The following NRG1 variants were observed in gnomAD, a reference collection of about 807,000 sequenced individuals.
The protein encoded by NRG1 is pro-neuregulin-1, membrane-bound isoform.
A neutral mutation model predicts 63.8 loss-of-function variants in NRG1; 18 were observed. The ratio of observed to expected loss-of-function variants is 0.28; its 90% CI spans 0.19 to 0.42. The LOEUF is 0.42. Among genes scored for constraint, NRG1 ranks in the 10% least tolerant of loss-of-function variants. The pLI, the probability that NRG1 is intolerant of heterozygous loss-of-function variation, is 1.00. For missense variants in NRG1, 762 were observed against 814.7 expected, an observed-to-expected ratio of 0.94 and a Z score of 0.79; for synonymous variants, 302 against 301.3, an observed-to-expected ratio of 1.00 and a Z score of -0.02.
intron 1 of NRG1, among the ~76,000 whole-genome samples, chr8:32,116,831 G>A (rs1051934189): frequency 2.6e-5 from 4 of 151,772 alleles, no homozygotes; most frequent in African/African-American, 7.3e-5. Context: ...TTTAAGTTTT[G>A]GTCATTTTAT....
intron 1 of NRG1, among the ~76,000 whole-genome samples, chr8:31,831,614 T>C (rs974084106): frequency 6.6e-6 from 1 of 152,224 alleles, no homozygotes; most frequent in Non-Finnish European, 1.5e-5. Context: ...CATCTGGAAC[T>C]AGTGACAGGG....
chr8:32,565,019 A>G (rs1056337647), intron 1 of NRG1, among the ~76,000 whole-genome samples: 2 of 152,136 alleles, frequency 1.3e-5, no homozygotes, highest in East Asian at 1.9e-4. Flanking sequence ...ACAGTGAACC[A>G]TGATCATATC....
chr8:31,837,170 C>A (rs2129607145), intron 1 of NRG1, among the ~76,000 whole-genome samples: 1 of 151,996 alleles, frequency 6.6e-6, no homozygotes, highest in South Asian at 2.1e-4. Flanking sequence ...ATATGGTAAA[C>A]AAAATGCAAA....
chr8:32,727,994 C>T, exon 6 of NRG1: 2 of 1,614,014 alleles, frequency 1.2e-6, no homozygotes, highest in Non-Finnish European at 1.7e-6. Flanking sequence ...GTAAAATGTG[C>T]GGAGAAGGAG....
At chr8:32,412,607 A>G (rs1750770935) in intron 1 of NRG1, among the ~76,000 whole-genome samples, 2 of 151,640 alleles carry the variant, frequency 1.3e-5, no homozygotes, top group Admixed American at 1.3e-4. Flanking sequence ...ATATCATAGA[A>G]TATTCTTACA....
intron 7 of NRG1, among the ~76,000 whole-genome samples, chr8:32,748,339 G>GCGCGCGCA (rs1207515428): frequency 3.9e-5 from 5 of 128,356 alleles, no homozygotes; most frequent in Non-Finnish European, 8.2e-5. Context: ...GCGCGCGCGC[G>GCGCGCGCA]CACACACACA....
At chr8:31,993,739 C>T (rs1029708167) in intron 1 of NRG1, among the ~76,000 whole-genome samples, 1 of 151,976 alleles carries the variant, frequency 6.6e-6, no homozygotes, top group African/African-American at 2.4e-5. Context: ...CCATCACAGA[C>T]CTTTGGGCTA....
At chr8:31,696,605 A>C (rs556525830) in intron 1 of NRG1, among the ~76,000 whole-genome samples, 1 of 152,364 alleles carries the variant, frequency 6.6e-6, no homozygotes, top group East Asian at 1.9e-4. Context: ...TATACCCATT[A>C]TATAATCCTA....
chr8:31,977,670 A>G (rs546931965), intron 1 of NRG1, among the ~76,000 whole-genome samples: 2 of 152,266 alleles, frequency 1.3e-5, no homozygotes, highest in East Asian at 3.9e-4. Context: ...ATAGTAAACT[A>G]AAAATGAATG....
At chr8:32,580,396 A>C (rs1427303237) in intron 1 of NRG1, among the ~76,000 whole-genome samples, 1 of 152,196 alleles carries the variant, frequency 6.6e-6, no homozygotes, top group Non-Finnish European at 1.5e-5. Flanking sequence ...GTATTAATTT[A>C]GAGAGCTTCA....
chr8:32,575,270 A>C (rs755686576), intron 1 of NRG1, among the ~76,000 whole-genome samples: 2 of 152,072 alleles, frequency 1.3e-5, no homozygotes, highest in Admixed American at 1.3e-4. Flanking sequence ...TCTAGGATGC[A>C]TGTTTTAGCT....
At chr8:31,912,566 C>CTTTT (rs3052846) in intron 1 of NRG1, among the ~76,000 whole-genome samples, 11 of 105,628 alleles carry the variant, frequency 1.0e-4, no homozygotes, top group Non-Finnish European at 1.3e-4. Context: ...TTTAGAAATG[C>CTTTT]TTTTTTTTTT....
At chr8:32,514,746 GA>G (rs1829618948) in intron 1 of NRG1, among the ~76,000 whole-genome samples, 1 of 151,980 alleles carries the variant, frequency 6.6e-6, no homozygotes, top group Non-Finnish European at 1.5e-5. Context: ...TGATACACTG[GA>G]AAGCTAACTG....
rs140065546 is a variant in NRG1 at position 32,724,067 on chromosome 8, T to G, written c.503-3882T>G. On this transcript the variant is annotated intron_variant, in intron 5 of 11. Coordinates refer to ENST00000356819, the Ensembl canonical transcript of NRG1. ...AACCGTAATTACTTTTGCACCAACC[T>G]AATAGTAAGTTTCTGCTTTACCTTA... Among the ~76,000 whole-genome samples, 803 of 152,358 alleles carry G rather than the reference T, an allele frequency of 5.3e-3. 6 individuals carry two copies. Among genetic ancestry groups the G allele is most frequent in the African/African-American group, 0.018 (759 of 41,588 alleles).
intron 1 of NRG1, among the ~76,000 whole-genome samples, chr8:32,593,369 C>A (rs969523666): frequency 3.3e-5 from 5 of 151,906 alleles, no homozygotes; most frequent in Non-Finnish European, 5.9e-5. Flanking sequence ...TCTTTAAAAC[C>A]CTTCACCAGG....
At chr8:31,948,880 G>T (rs1803032997) in intron 1 of NRG1, among the ~76,000 whole-genome samples, 1 of 152,136 alleles carries the variant, frequency 6.6e-6, no homozygotes, top group South Asian at 2.1e-4. Context: ...GTCTTGAGAG[G>T]ACTTGGCCTC....
intron 1 of NRG1, among the ~76,000 whole-genome samples, chr8:32,458,151 C>T (rs1325242757): frequency 1.3e-5 from 2 of 152,014 alleles, no homozygotes; most frequent in African/African-American, 2.4e-5. Context: ...CTCTTGACTT[C>T]GTGATCCTCC....
intron 1 of NRG1, among the ~76,000 whole-genome samples, chr8:31,919,364 A>G (rs1833701274): frequency 6.6e-6 from 1 of 151,108 alleles, no homozygotes; most frequent in Non-Finnish European, 1.5e-5. Context: ...AATACAATAA[A>G]AAAAGCAAGA....
intron 1 of NRG1, among the ~76,000 whole-genome samples, chr8:32,354,041 A>C (rs1038816087): frequency 6.6e-6 from 1 of 152,220 alleles, no homozygotes; most frequent in African/African-American, 2.4e-5. Flanking sequence ...ATGATGCAAA[A>C]TAATTACACT....
Sources: allele counts gnomAD v4.1 joint callset (sites outside exome capture counted in the v4.1 genomes callset), GRCh38; gene constraint gnomAD v4.1.1; transcripts MANE v1.5; gene names NCBI Gene and HGNC (gene_info 2026-07-23, HGNC 2026-07-21).